GPHN: variants seen among roughly 807,000 people sequenced by gnomAD.
GPHN encodes gephyrin.
Under a neutral mutation model 95.5 loss-of-function variants are expected in GPHN, and 17 were observed. That is an observed-to-expected ratio of 0.18 (90% CI 0.12 to 0.27). The LOEUF (loss-of-function observed/expected upper bound fraction) is 0.27. Among genes scored for constraint, GPHN ranks in the 10% least tolerant of loss-of-function variants. The probability of loss-of-function intolerance (pLI) is 1.00; values close to 1 mark genes in which losing one functional copy is unlikely to be tolerated. For synonymous variants in GPHN, 320 were observed against 322.5 expected, an observed-to-expected ratio of 0.99 and a Z score of 0.08; for missense variants, 660 against 978.1, an observed-to-expected ratio of 0.67 and a Z score of 4.34.
At chr14:67,352,814 C>G in the GPHN span, 1 of 724,102 alleles carries the variant, frequency 1.4e-6, no homozygotes. Flanking sequence ...GGTATTTTTA[C>G]TTTTGAAAGA....
intron 10 of GPHN, among the ~76,000 whole-genome samples, chr14:67,032,541 T>A (rs745782320): frequency 2.0e-4 from 30 of 152,088 alleles, no homozygotes; most frequent in Non-Finnish European, 3.8e-4. Flanking sequence ...ACTTTGGATG[T>A]CTGCGGGCCA....
At chr14:67,073,035 T>A (rs1457245036) in intron 11 of GPHN, among the ~76,000 whole-genome samples, 1 of 152,138 alleles carries the variant, frequency 6.6e-6, no homozygotes, top group Admixed American at 6.5e-5. Flanking sequence ...ATTTTATTTT[T>A]TATTTTATAA....
intron 1 of GPHN, among the ~76,000 whole-genome samples, chr14:66,626,166 A>C (rs531953066): frequency 6.6e-6 from 1 of 152,288 alleles, no homozygotes; most frequent in South Asian, 2.1e-4. Context: ...TCTACCATCT[A>C]TTATGCTTAG....
intron 1 of GPHN, among the ~76,000 whole-genome samples, chr14:66,648,312 A>G (rs2064860987): frequency 6.6e-6 from 1 of 152,164 alleles, no homozygotes; most frequent in Non-Finnish European, 1.5e-5. Context: ...ATCATTGTAC[A>G]TGTATTAGTC....
chr14:66,826,653 T>A (rs1313057379), intron 4 of GPHN, among the ~76,000 whole-genome samples: 1 of 152,166 alleles, frequency 6.6e-6, no homozygotes, highest in African/African-American at 2.4e-5. Flanking sequence ...AACACTTTAC[T>A]TATGCTTACC....
intron 3 of GPHN, among the ~76,000 whole-genome samples, chr14:66,787,482 A>C (rs919074308): frequency 2.0e-5 from 3 of 152,200 alleles, no homozygotes; most frequent in Non-Finnish European, 2.9e-5. Flanking sequence ...ATATAAATTC[A>C]TTCTAAAATT....
chr14:67,341,818 C>T, the GPHN span, among the ~76,000 whole-genome samples: 1 of 152,190 alleles, frequency 6.6e-6, no homozygotes, highest in Admixed American at 6.5e-5. Flanking sequence ...ACATGGGAGA[C>T]TTTTCATTTT....
chr14:67,330,825 G>A, the GPHN span, among the ~76,000 whole-genome samples: 23,521 of 152,092 alleles, frequency 0.15, 3,418 homozygotes, highest in East Asian at 0.42. Context: ...CCTATTTGGA[G>A]ATGTGAAAAA....
At chr14:66,954,656 CAAT>C (rs1438459181) in intron 8 of GPHN, among the ~76,000 whole-genome samples, 1 of 152,110 alleles carries the variant, frequency 6.6e-6, no homozygotes, top group Non-Finnish European at 1.5e-5. Flanking sequence ...ACTTTGAGTA[CAAT>C]GTTAAGTAGA....
At chr14:67,203,567 A>G in the GPHN span, among the ~76,000 whole-genome samples, 2 of 152,196 alleles carry the variant, frequency 1.3e-5, no homozygotes, top group Non-Finnish European at 2.9e-5. Context: ...CTCCTCTTCC[A>G]CAGCATCCCA....
the GPHN span, chr14:67,692,780 G>A: frequency 2.3e-6 from 2 of 855,494 alleles, no homozygotes; most frequent in Non-Finnish European, 3.7e-6. Context: ...TCCATTATAT[G>A]TAGAGCATAG....
chr14:67,420,158 T>TGCCAGGC, the GPHN span, among the ~76,000 whole-genome samples: 5 of 152,198 alleles, frequency 3.3e-5, no homozygotes, highest in African/African-American at 1.2e-4. Context: ...TGAAGCCAGG[T>TGCCAGGC]GCCAGGCAGG....
the GPHN span, chr14:67,584,185 G>C: frequency 9.0e-6 from 14 of 1,563,930 alleles, 1 homozygote; most frequent in South Asian, 1.6e-4. Context: ...GCTCATGTTT[G>C]AGCCATACCA....
the GPHN span, among the ~76,000 whole-genome samples, chr14:67,373,001 G>A: frequency 3.3e-5 from 5 of 152,156 alleles, no homozygotes; most frequent in Admixed American, 3.3e-4. Context: ...AAACCACAGT[G>A]AGATGCCACT....
chr14:67,349,173 A>G, the GPHN span: 1 of 1,418,362 alleles, frequency 7.1e-7, no homozygotes, highest in African/African-American at 1.4e-5. Context: ...CCCACTGGAT[A>G]GTTTTAACAT....
At chr14:67,235,515 A>T in the GPHN span, among the ~76,000 whole-genome samples, 7 of 152,130 alleles carry the variant, frequency 4.6e-5, no homozygotes, top group Non-Finnish European at 1.0e-4. Flanking sequence ...GGAAATCGAG[A>T]CCATCCTGGC....
intron 1 of GPHN, among the ~76,000 whole-genome samples, chr14:66,522,661 T>C (rs530012556): frequency 6.6e-6 from 1 of 152,150 alleles, no homozygotes; most frequent in South Asian, 2.1e-4. Context: ...TTTTTATATG[T>C]ATTCTTTTAC....
At chr14:66,584,376 T>C (rs994334926) in intron 1 of GPHN, among the ~76,000 whole-genome samples, 2 of 152,154 alleles carry the variant, frequency 1.3e-5, no homozygotes, top group African/African-American at 4.8e-5. Context: ...GAATACCCTT[T>C]ATTTCCTTCT....
At chr14:67,049,066 G>A (rs1452204497) in intron 10 of GPHN, among the ~76,000 whole-genome samples, 1 of 152,066 alleles carries the variant, frequency 6.6e-6, no homozygotes, top group Admixed American at 6.5e-5. Context: ...CGGCTGCTAG[G>A]TGATAACTCA....
Sources: allele counts gnomAD v4.1 joint callset (sites outside exome capture counted in the v4.1 genomes callset), GRCh38; gene constraint gnomAD v4.1.1; transcripts MANE v1.5; gene names NCBI Gene and HGNC (gene_info 2026-07-23, HGNC 2026-07-21).